The following HERC4 variants were observed in gnomAD, a reference collection of about 807,000 sequenced individuals.
HERC4 encodes probable E3 ubiquitin-protein ligase HERC4.
In HERC4, 28 loss-of-function variants were observed where a neutral mutation model predicts 124.3. The ratio of observed to expected loss-of-function variants is 0.23; its 90% CI spans 0.17 to 0.31. The LOEUF is 0.31. HERC4 is among the 10% of genes least tolerant of loss of function. HERC4 has a pLI of 1.00. For synonymous variants in HERC4, 407 were observed against 421.5 expected, an observed-to-expected ratio of 0.97 and a Z score of 0.42; for missense variants, 713 against 1,229.3, an observed-to-expected ratio of 0.58 and a Z score of 6.28.
intron 4 of HERC4, chr10:68,039,464 G>A (rs201593981): frequency 7.1e-6 from 11 of 1,550,604 alleles, no homozygotes; most frequent in South Asian, 3.6e-5. Context: ...CCAGAGAGTC[G>A]ACACACATGA....
At chr10:67,967,251 T>C (rs1353525163) in intron 15 of HERC4, among the ~76,000 whole-genome samples, 4 of 152,200 alleles carry the variant, frequency 2.6e-5, no homozygotes, top group African/African-American at 9.6e-5. Flanking sequence ...GAGTGCCTAC[T>C]ATATGCAAAA....
intron 9 of HERC4, among the ~76,000 whole-genome samples, chr10:68,004,816 CTCAT>C (rs2037441404): frequency 6.6e-6 from 1 of 152,130 alleles, no homozygotes; most frequent in Non-Finnish European, 1.5e-5. Context: ...TGAGAACTCA[CTCAT>C]TATTACAAGA....
chr10:68,027,955 TA>T (rs2038988859), intron 7 of HERC4, among the ~76,000 whole-genome samples: 2 of 146,900 alleles, frequency 1.4e-5, no homozygotes, highest in African/African-American at 5.0e-5. Context: ...ATATATCACA[TA>T]TTTTTATTAT....
intron 7 of HERC4, among the ~76,000 whole-genome samples, chr10:68,032,264 A>G (rs2039246597): frequency 6.6e-6 from 1 of 152,224 alleles, no homozygotes. Context: ...CACATACCCA[A>G]GACAGTGAGA....
At chr10:67,990,456 G>GGA (rs2036490049) in intron 13 of HERC4, 56 bp from the exon 14 acceptor site, 2 of 616,550 alleles carry the variant, frequency 3.2e-6, no homozygotes, top group African/African-American at 2.1e-5. Context: ...CACTTTCAAA[G>GGA]AAAAAAAAAA....
intron 8 of HERC4, among the ~76,000 whole-genome samples, chr10:68,025,227 A>G (rs537483927): frequency 6.6e-6 from 1 of 152,104 alleles, no homozygotes; most frequent in Non-Finnish European, 1.5e-5. Flanking sequence ...TATCACCCCA[A>G]AAAGGAAAGA....
chr10:67,954,921 T>C, intron 18 of HERC4, 42 bp downstream of exon 18: 1 of 1,524,482 alleles, frequency 6.6e-7, no homozygotes, highest in Non-Finnish European at 8.7e-7. Context: ...ACATAGCTTC[T>C]GAATAAAAGT....
chr10:67,989,189 A>T (rs1189558220), intron 14 of HERC4, among the ~76,000 whole-genome samples: 1 of 152,118 alleles, frequency 6.6e-6, no homozygotes, highest in East Asian at 1.9e-4. Context: ...TAAACAAAAC[A>T]TCCTTTAAAT....
intron 7 of HERC4, among the ~76,000 whole-genome samples, chr10:68,031,512 T>G (rs1474662320): frequency 6.6e-6 from 1 of 151,990 alleles, no homozygotes; most frequent in Non-Finnish European, 1.5e-5. Flanking sequence ...TTACCATTAA[T>G]GGCAAAAAAA....
At chr10:67,936,350 A>C in intron 21 of HERC4, 115 bp from the exon 22 acceptor site, 1 of 530,230 alleles carries the variant, frequency 1.9e-6, no homozygotes, top group East Asian at 3.3e-5. Flanking sequence ...ATTTGAGATA[A>C]AATTCTGCTA....
intron 9 of HERC4, among the ~76,000 whole-genome samples, chr10:67,998,355 C>T (rs1217360853): frequency 6.6e-6 from 1 of 151,368 alleles, no homozygotes; most frequent in Non-Finnish European, 1.5e-5. Flanking sequence ...TGAGAACAGC[C>T]TGGCCAAAAT....
intron 7 of HERC4, among the ~76,000 whole-genome samples, chr10:68,029,280 C>T (rs1351881318): frequency 6.6e-6 from 1 of 152,150 alleles, no homozygotes; most frequent in Non-Finnish European, 1.5e-5. Context: ...TTCTTGAGGT[C>T]AGGAGTTCAA....
chr10:67,952,726 G>C (rs1365272950), intron 19 of HERC4, among the ~76,000 whole-genome samples: 1 of 151,554 alleles, frequency 6.6e-6, no homozygotes, highest in Non-Finnish European at 1.5e-5. Context: ...GTGAAACCCC[G>C]TCTCTACTAA....
In HERC4 at chr10:67,972,406, A is replaced by T. The variant is rs535131216; in HGVS notation, c.1807-5604T>A. On this transcript the variant is annotated intron_variant, in intron 15 of 24. Coordinates refer to ENST00000373700, the MANE Select transcript of HERC4 (RefSeq NM_015601.4). Reference sequence around the variant, plus strand: ...CATGGTGGTGCATGCCTGTAATCCCAGCTACTCGGGAGGCTGAGACAGAAG... The same window carrying T: ...CATGGTGGTGCATGCCTGTAATCCCTGCTACTCGGGAGGCTGAGACAGAAG... Among the ~76,000 whole-genome samples the T allele has an allele frequency of 1.1e-3, 166 of 151,550 alleles. 1 individual carries two copies. The highest frequency in any genetic ancestry group is 3.8e-3 in the African/African-American group (158 of 41,342).
Position 68,072,959 on chromosome 10 carries a change from C to G in HERC4, c.150G>C (p.Leu50=). 1.2e-6 allele frequency: 2 copies of G among 1,613,970 alleles called. No homozygotes were observed. The highest frequency in any genetic ancestry group is 1.7e-6 in the Non-Finnish European group (2 of 1,179,912). The change falls in exon 3 of 25, where the codon CTG becomes CTC. Residue 50 remains leucine, a synonymous_variant. Coordinates refer to ENST00000373700, the MANE Select transcript of HERC4 (RefSeq NM_015601.4). ...GCGLRHTVFV[L]DDGTVYTCGC... ...CACATGTGTACACTGTTCCATCATC[C>G]AGAACAAACACAGTATGTCTGAGTC...
At chr10:67,933,347 A>G (rs1233686878) in intron 22 of HERC4, among the ~76,000 whole-genome samples, 1 of 152,026 alleles carries the variant, frequency 6.6e-6, no homozygotes, top group Non-Finnish European at 1.5e-5. Context: ...GTGAATACAT[A>G]TACAATCACT....
chr10:67,990,480 G>T, intron 13 of HERC4, 80 bp from the exon 14 acceptor site: 2 of 894,058 alleles, frequency 2.2e-6, no homozygotes, highest in Non-Finnish European at 3.1e-6. Flanking sequence ...AGGAAGGCAG[G>T]AAGAAAAGAA....
intron 3 of HERC4, among the ~76,000 whole-genome samples, chr10:68,051,449 A>G (rs1219031190): frequency 7.0e-6 from 1 of 143,020 alleles, no homozygotes; most frequent in African/African-American, 2.6e-5. Flanking sequence ...GGTTCGCGCC[A>G]TTCTCCTGCC....
chr10:68,064,112 A>C (rs906808290), intron 3 of HERC4, among the ~76,000 whole-genome samples: 11 of 151,922 alleles, frequency 7.2e-5, no homozygotes, highest in African/African-American at 2.7e-4. Flanking sequence ...GGATGGTGGC[A>C]CACGCCTGTA....
Sources: allele counts gnomAD v4.1 joint callset (sites outside exome capture counted in the v4.1 genomes callset), GRCh38; gene constraint gnomAD v4.1.1; transcripts MANE v1.5; gene names NCBI Gene and HGNC (gene_info 2026-07-23, HGNC 2026-07-21).